Variants in KCNQ1 observed in about 807,000 individuals in gnomAD.
KCNQ1 encodes the protein potassium voltage-gated channel subfamily KQT member 1.
Under a neutral mutation model 72.4 loss-of-function variants are expected in KCNQ1, and 49 were observed. The observed-to-expected ratio is 0.68, with a 90% CI of 0.54 to 0.86. KCNQ1 has a LOEUF of 0.86. Among genes scored for constraint, KCNQ1 ranks in the 40% least tolerant of loss-of-function variants. KCNQ1 has a pLI of 0.00. For synonymous variants in KCNQ1, 450 were observed against 412.6 expected, an observed-to-expected ratio of 1.09 and a Z score of -1.10; for missense variants, 790 against 945.1, an observed-to-expected ratio of 0.84 and a Z score of 2.15.
intron 15 of KCNQ1, among the ~76,000 whole-genome samples, chr11:2,821,262 G>T (rs1377427321): frequency 6.6e-6 from 1 of 152,244 alleles, no homozygotes; most frequent in South Asian, 2.1e-4. Flanking sequence ...GACTCCAGGT[G>T]CAGAGGCCCC....
In KCNQ1 at chr11:2,723,075, A is replaced by G. The variant is rs941895834; in HGVS notation, c.1515-45769A>G. ...TCCCGTGCCAGGGTGGTCTGAGCGG[A>G]GAGGACAGGGGGGATCCCAGACGGA... On this transcript the variant is annotated intron_variant, in intron 11 of 15. Coordinates refer to ENST00000155840, the MANE Select transcript of KCNQ1 (RefSeq NM_000218.3). The surrounding 1 kb of genome is among the most constrained non-coding windows in gnomAD (Gnocchi z 4.2). Among the ~76,000 whole-genome samples the G allele has an allele frequency of 6.6e-6, 1 of 152,168 alleles. No individual in the cohort carries two copies. Among genetic ancestry groups the G allele is most frequent in the Non-Finnish European group, 1.5e-5 (1 of 68,004 alleles).
chr11:2,650,447 G>C (rs929228501), intron 10 of KCNQ1: 4 of 398,458 alleles, frequency 1.0e-5, no homozygotes, highest in Non-Finnish European at 1.8e-5. Flanking sequence ...GTATCATTTG[G>C]GTAGGGTGCT....
At chr11:2,589,363 C>T (rs1389398859) in intron 10 of KCNQ1, among the ~76,000 whole-genome samples, 1 of 152,204 alleles carries the variant, frequency 6.6e-6, no homozygotes, top group African/African-American at 2.4e-5. Flanking sequence ...GATGGTGTGG[C>T]TCGGATCTGC....
chr11:2,774,544 C>T (rs925277426), intron 12 of KCNQ1, among the ~76,000 whole-genome samples: 1 of 152,196 alleles, frequency 6.6e-6, no homozygotes, highest in Non-Finnish European at 1.5e-5. Context: ...GAGGCCCAGC[C>T]TTTGGTAGGG....
At chr11:2,802,693 G>A (rs919304194) in intron 15 of KCNQ1, among the ~76,000 whole-genome samples, 6 of 152,312 alleles carry the variant, frequency 3.9e-5, no homozygotes, top group African/African-American at 1.4e-4. Context: ...CACTCACTGG[G>A]GAACAGAGGG....
At chr11:2,709,101 C>G (rs976551716) in intron 11 of KCNQ1, among the ~76,000 whole-genome samples, 1 of 152,130 alleles carries the variant, frequency 6.6e-6, no homozygotes, top group Non-Finnish European at 1.5e-5. Flanking sequence ...TGGCGAGCGG[C>G]TGAGTGTGCT....
intron 15 of KCNQ1, among the ~76,000 whole-genome samples, chr11:2,778,619 C>G (rs930617927): frequency 7.0e-6 from 1 of 142,798 alleles, no homozygotes; most frequent in African/African-American, 2.6e-5. Context: ...ACCCTGGGAG[C>G]TGCCGGGGGA....
In KCNQ1 at chr11:2,614,733, A is replaced by G. The variant is rs749377813; in HGVS notation, c.1393+25879A>G. 1.1e-4 allele frequency: 44 copies of G among 398,286 alleles called. No homozygotes were observed. Among genetic ancestry groups the G allele is most frequent in the South Asian group, 6.4e-4 (5 of 7,860 alleles). 24.7% of individuals were successfully genotyped at this position (398,286 alleles called of 1,614,324 possible). A position where few individuals can be genotyped will look rare whatever the true frequency, so the allele number is the denominator to read the frequency against. ...TCTCTATTATATTCCATTGGTCTATATGTCCATCCTTGTGTCCTAGAGACC... is the reference window on the plus strand; with the variant it reads ...TCTCTATTATATTCCATTGGTCTATGTGTCCATCCTTGTGTCCTAGAGACC... On this transcript the variant is annotated intron_variant, in intron 10 of 15. Transcript: ENST00000155840.
chr11:2,747,066 G>A (rs1846152569), intron 11 of KCNQ1, among the ~76,000 whole-genome samples: 3 of 152,222 alleles, frequency 2.0e-5, no homozygotes, highest in African/African-American at 4.8e-5. Flanking sequence ...GGCTCTGGCG[G>A]GGTCCTGGAG....
Position 2,677,841 on chromosome 11 carries a change from C to CT in KCNQ1, c.1514+15761dup. The CT allele has an allele frequency of 2.5e-6, 1 of 398,496 alleles. No individual in the cohort carries two copies. 24.7% of individuals were successfully genotyped at this position (398,496 alleles called of 1,614,324 possible). A position where few individuals can be genotyped will look rare whatever the true frequency, so the allele number is the denominator to read the frequency against. On this transcript the variant is annotated intron_variant, in intron 11 of 15. Coordinates refer to ENST00000155840, the MANE Select transcript of KCNQ1 (RefSeq NM_000218.3). This position sits in a 1 kb window ranked among gnomAD's most constrained non-coding sequence, Gnocchi z 4.5. ...TGTGATAGATACTGCCAAATAAGGG[C>CT]TGTACCATTTACATCACTTTGACTG... is the stretch of plus-strand genomic sequence containing the variant.
intron 11 of KCNQ1, chr11:2,696,127 A>G (rs191652037): frequency 1.1e-3 from 436 of 398,628 alleles, no homozygotes; most frequent in African/African-American, 7.6e-3. Flanking sequence ...AATGCATTCA[A>G]GTTCATACAT....
intron 11 of KCNQ1, chr11:2,699,421 C>T (rs1213520574): frequency 2.5e-6 from 1 of 400,222 alleles, no homozygotes. Context: ...GAGGGCCGCG[C>T]TGAGGAGAGT....
intron 10 of KCNQ1, among the ~76,000 whole-genome samples, chr11:2,594,415 A>G (rs1589972670): frequency 6.6e-6 from 1 of 152,240 alleles, no homozygotes. Context: ...TTTATTTATC[A>G]TGCCTACACT....
At chr11:2,755,759 G>C (rs1846289462) in intron 11 of KCNQ1, among the ~76,000 whole-genome samples, 1 of 152,130 alleles carries the variant, frequency 6.6e-6, no homozygotes, top group African/African-American at 2.4e-5. Context: ...ACAATACAAT[G>C]AATTGATAAA....
chr11:2,559,685 A>G lies in KCNQ1; in HGVS notation c.478-10943A>G, dbSNP rs1049002500. ...CAGGTGGGGCTAGTTCTGGAGGGAAAGCGGCCTCGTGCCTCCCAGAGTCAC... is the reference window on the plus strand; with the variant it reads ...CAGGTGGGGCTAGTTCTGGAGGGAAGGCGGCCTCGTGCCTCCCAGAGTCAC... On this transcript the variant is annotated intron_variant, in intron 2 of 15. Coordinates refer to ENST00000155840, the MANE Select transcript of KCNQ1 (RefSeq NM_000218.3). This position sits in a 1 kb window ranked among gnomAD's most constrained non-coding sequence, Gnocchi z 4.9. Among the ~76,000 whole-genome samples, 1 of 152,176 alleles carries G rather than the reference A, an allele frequency of 6.6e-6. No homozygotes were observed. Among genetic ancestry groups the G allele is most frequent in the African/African-American group, 2.4e-5 (1 of 41,452 alleles).
At chr11:2,702,541 A>G (rs1850833341) in intron 11 of KCNQ1, among the ~76,000 whole-genome samples, 1 of 152,218 alleles carries the variant, frequency 6.6e-6, no homozygotes, top group Non-Finnish European at 1.5e-5. Flanking sequence ...CTTACACTTA[A>G]CAAAACTGTG....
chr11:2,606,998 G>T (rs1416437268), intron 10 of KCNQ1, among the ~76,000 whole-genome samples: 5 of 147,310 alleles, frequency 3.4e-5, no homozygotes, highest in Middle Eastern at 7.2e-3. Context: ...CACCTCCCAG[G>T]TTCACGCCAT....
chr11:2,681,050 G>A, intron 11 of KCNQ1: 2 of 398,460 alleles, frequency 5.0e-6, no homozygotes, highest in Non-Finnish European at 8.8e-6. Flanking sequence ...AGTGAAATGT[G>A]GGCTCCAAAA....
chr11:2,682,465 G>A lies in KCNQ1; in HGVS notation c.1514+20384G>A, dbSNP rs76874768. 15,205 of 383,390 alleles carry A rather than the reference G, an allele frequency of 0.04. 359 individuals carry two copies. The highest frequency in any genetic ancestry group is 0.066 in the Middle Eastern group (104 of 1,574). The allele number at this position is 383,390 out of a possible 1,614,324, so 23.7% of individuals were successfully genotyped here. A position where few individuals can be genotyped will look rare whatever the true frequency, so the allele number is the denominator to read the frequency against. The stretch of plus-strand genomic sequence containing the variant: ...ATGGAGCCTGTCACGGACCCTCAGT[G>A]AATGTTTGACGAGTGAGTGAGTGAG... On this transcript the variant is annotated intron_variant, in intron 11 of 15. Transcript: ENST00000155840. This position sits in a 1 kb window ranked among gnomAD's most constrained non-coding sequence, Gnocchi z 5.8.
Sources: allele counts gnomAD v4.1 joint callset (sites outside exome capture counted in the v4.1 genomes callset), GRCh38; gene constraint gnomAD v4.1.1; non-coding constraint Gnocchi (gnomAD v3.1); transcripts MANE v1.5; gene names NCBI Gene and HGNC (gene_info 2026-07-23, HGNC 2026-07-21).